ZNF75D: variants seen among roughly 807,000 people sequenced by gnomAD.
The protein encoded by ZNF75D is zinc finger protein 75D.
Under a neutral mutation model 33.3 loss-of-function variants are expected in ZNF75D, and 33 were observed. The ratio of observed to expected loss-of-function variants is 0.99; its 90% CI spans 0.75 to 1.32. The LOEUF (loss-of-function observed/expected upper bound fraction) is 1.32. ZNF75D is among the 40% of genes most tolerant of loss of function. ZNF75D has a pLI of 0.00. For synonymous variants in ZNF75D, 113 were observed against 130.6 expected (o/e 0.87, Z 0.92); for missense variants, 338 against 367.5 (o/e 0.92, Z 0.66).
At chrX:135,324,466 T>C (rs2084536182) in intron 1 of ZNF75D, among the ~76,000 whole-genome samples, 1 of 112,874 alleles carries the variant, frequency 8.9e-6, no homozygotes, top group East Asian at 2.8e-4. Flanking sequence ...AGTATACAAT[T>C]ATACTTTAAA....
intron 1 of ZNF75D, chrX:135,327,853 C>T (rs931578446): frequency 2.7e-5 from 3 of 112,265 alleles, no homozygotes; most frequent in African/African-American, 6.5e-5. Flanking sequence ...TCCCTTTTCT[C>T]TCTCAGTCTC....
intron 1 of ZNF75D, among the ~76,000 whole-genome samples, chrX:135,324,708 G>A (rs781817106): frequency 1.5e-4 from 17 of 112,327 alleles, no homozygotes; most frequent in East Asian, 2.8e-4. Context: ...TAGTATCACC[G>A]GCAGCAGGGC....
chrX:135,288,854 G>A (rs1286953777), intron 6 of ZNF75D, among the ~76,000 whole-genome samples: 1 of 112,506 alleles, frequency 8.9e-6, no homozygotes, highest in East Asian at 2.8e-4. Context: ...ACTTTAAATT[G>A]CCCAGCTTTT....
chrX:135,291,603 A>G (rs1431509614), intron 4 of ZNF75D, 40 bp from the exon 5 acceptor site: 5 of 1,191,687 alleles, frequency 4.2e-6, no homozygotes, highest in Non-Finnish European at 5.7e-6. Context: ...TCTGTTTCCT[A>G]TTTACAAACA....
Position 135,287,579 on chromosome X carries a change from G to T in ZNF75D, c.1091C>A (p.Pro364His). ...TTTCCCACATTCCTGACACTTAAAA[G>T]GTTTCTCCCCTGTGGGGCCTTTCCC... Reference protein sequence around the residue: ...LHGKGPTGEKPFKCQECGKSF... With the variant: ...LHGKGPTGEKHFKCQECGKSF... The change falls in exon 7 of 7, where the codon CCT becomes CAT. Residue 364 changes from proline (P) to histidine (H), a missense_variant. Transcript: ENST00000370766. 1 of 1,211,550 alleles carries T rather than the reference G, an allele frequency of 8.3e-7. No individual in the cohort carries two copies. Among genetic ancestry groups the T allele is most frequent in the Non-Finnish European group, 1.1e-6 (1 of 895,414 alleles).
chrX:135,320,206 C>G (rs1460160044), intron 1 of ZNF75D, among the ~76,000 whole-genome samples: 1 of 109,418 alleles, frequency 9.1e-6, no homozygotes, highest in Non-Finnish European at 1.9e-5. Context: ...GGCAGGAGAG[C>G]CACTTGAACC....
At chrX:135,326,593 T>C (rs1415657420) in intron 1 of ZNF75D, among the ~76,000 whole-genome samples, 1 of 112,023 alleles carries the variant, frequency 8.9e-6, no homozygotes, top group Non-Finnish European at 1.9e-5. Context: ...CCTTCCACAC[T>C]GCGGAAGCTT....
At chrX:135,296,555 GTCA>G (rs2084133137) in intron 1 of ZNF75D, among the ~76,000 whole-genome samples, 1 of 111,946 alleles carries the variant, frequency 8.9e-6, no homozygotes, top group Non-Finnish European at 1.9e-5. Flanking sequence ...TCCAGCTGTA[GTCA>G]CTAGACTTAT....
At chrX:135,279,517 G>A (rs782610220) in intron 1 of ZNF75D, among the ~76,000 whole-genome samples, 10 of 111,084 alleles carry the variant, frequency 9.0e-5, no homozygotes, top group Non-Finnish European at 1.5e-4. Context: ...GTTATTTCTT[G>A]TCTTCTGCTA....
chrX:135,314,751 C>T (rs1051478705), intron 1 of ZNF75D, among the ~76,000 whole-genome samples: 10 of 111,575 alleles, frequency 9.0e-5, no homozygotes, highest in African/African-American at 1.3e-4. Flanking sequence ...TAGGTTTTCC[C>T]GTTTATGAGC....
chrX:135,286,828 A>G lies in ZNF75D; in HGVS notation c.*309T>C. On this transcript the variant is annotated 3_prime_UTR_variant, in exon 7 of 7. Transcript: ENST00000370766. ...ATGTCTGTTGAGCACTTGATACCTG[A>G]AAAATTTAGATGACTGGGGGTGGGG... The G allele has an allele frequency of 4.3e-6, 1 of 233,381 alleles. No individual in the cohort carries two copies. The allele number at this position is 233,381 out of a possible 1,213,427, so 19.2% of individuals were successfully genotyped here. A position where few individuals can be genotyped will look rare whatever the true frequency, so the allele number is the denominator to read the frequency against.
intron 1 of ZNF75D, among the ~76,000 whole-genome samples, chrX:135,325,648 G>A (rs1036281829): frequency 1.8e-4 from 20 of 112,713 alleles, no homozygotes; most frequent in Non-Finnish European, 7.5e-5. Context: ...CCAGCCCACC[G>A]GCGATGCACT....
In ZNF75D at chrX:135,287,770, G is replaced by C. The variant is rs367737869; in HGVS notation, c.900C>G (p.Cys300Trp). 2 of 1,207,398 alleles carry C rather than the reference G, an allele frequency of 1.7e-6. No homozygotes were observed. Among genetic ancestry groups the C allele is most frequent in the African/African-American group, 1.8e-5 (1 of 57,112 alleles). The change falls in exon 7 of 7, where the codon TGC (cysteine) becomes TGG (tryptophan). Residue 300 changes from cysteine (C) to tryptophan (W), a missense_variant. Coordinates refer to ENST00000370766, the MANE Select transcript of ZNF75D (RefSeq NM_007131.5). ...VSTSEIQTSG[C>W]EVSKKTRMKI... ...TCATTCTGGTCTTTTTTGATACTTC[G>C]CATCCTGATGTTTGTATTTCTGATG... is the stretch of plus-strand genomic sequence containing the variant.
Position 135,340,513 on chromosome X carries a change from T to C in ZNF75D, c.-391+1255A>G, listed in dbSNP as rs182498955. ...TGAAATTTTAATCTTTGAGGAAGGG[T>C]CTAAAGGGACTAATAGAGAATAGAA... On this transcript the variant is annotated intron_variant, in intron 1 of 6. Transcript: ENST00000370766. Among the ~76,000 whole-genome samples, 46 of 112,029 alleles carry C rather than the reference T, an allele frequency of 4.1e-4. No homozygotes were observed. In the East Asian group the frequency reaches 0.012, roughly 30 times the overall value.
intron 1 of ZNF75D, among the ~76,000 whole-genome samples, chrX:135,311,899 A>G (rs1216481428): frequency 9.0e-6 from 1 of 111,675 alleles, no homozygotes; most frequent in Non-Finnish European, 1.9e-5. Context: ...TATGGGATAC[A>G]TGTGTTATTT....
intron 1 of ZNF75D, among the ~76,000 whole-genome samples, chrX:135,335,664 C>T (rs2084701207): frequency 8.9e-6 from 1 of 112,257 alleles, no homozygotes; most frequent in Admixed American, 9.4e-5. Context: ...AAGACTTCAC[C>T]TCCAAGTCCT....
chrX:135,271,790 T>C (rs1402864637), intron 1 of ZNF75D, among the ~76,000 whole-genome samples: 1 of 111,715 alleles, frequency 9.0e-6, no homozygotes, highest in Non-Finnish European at 1.9e-5. Context: ...GAGGAGGACA[T>C]AGCACAACAC....
At chrX:135,259,606 G>A (rs186786596) in intron 1 of ZNF75D, among the ~76,000 whole-genome samples, 1 of 111,365 alleles carries the variant, frequency 9.0e-6, no homozygotes, top group East Asian at 2.8e-4. Context: ...TGTCTTAATG[G>A]TGTATAGGAA....
chrX:135,323,349 T>G (rs1556435672), intron 1 of ZNF75D, among the ~76,000 whole-genome samples: 1 of 112,177 alleles, frequency 8.9e-6, no homozygotes, highest in Non-Finnish European at 1.9e-5. Flanking sequence ...AAAATATCAT[T>G]AGCATTTTCC....
Sources: allele counts gnomAD v4.1 joint callset (sites outside exome capture counted in the v4.1 genomes callset), GRCh38; gene constraint gnomAD v4.1.1; transcripts MANE v1.5; gene names NCBI Gene and HGNC (gene_info 2026-07-23, HGNC 2026-07-21).